Variants in THSD4 observed in about 807,000 individuals in gnomAD.
The protein encoded by THSD4 is thrombospondin type-1 domain-containing protein 4.
Under a neutral mutation model 119.0 loss-of-function variants are expected in THSD4, and 69 were observed. That is an observed-to-expected ratio of 0.58 (90% CI 0.48 to 0.71). THSD4 has a LOEUF of 0.71. THSD4 is among the 30% of genes least tolerant of loss of function. The pLI, the probability that THSD4 is intolerant of heterozygous loss-of-function variation, is 0.00. For synonymous variants in THSD4, 524 were observed against 540.4 expected, an observed-to-expected ratio of 0.97 and a Z score of 0.42; for missense variants, 1,393 against 1,391.1, an observed-to-expected ratio of 1.00 and a Z score of -0.02.
chr15:71,274,740 G>A (rs915991834), intron 6 of THSD4, among the ~76,000 whole-genome samples: 3 of 152,148 alleles, frequency 2.0e-5, no homozygotes, highest in Non-Finnish European at 4.4e-5. Context: ...TAGGATATGA[G>A]AAAGGAAAGA....
intron 6 of THSD4, among the ~76,000 whole-genome samples, chr15:71,387,887 C>T (rs2140462723): frequency 1.3e-5 from 2 of 152,290 alleles, no homozygotes; most frequent in Middle Eastern, 3.4e-3. Flanking sequence ...GTTACCCTCC[C>T]TTGGCCAGGG....
At chr15:71,261,571 C>T (rs2044400354) in intron 6 of THSD4, among the ~76,000 whole-genome samples, 1 of 152,160 alleles carries the variant, frequency 6.6e-6, no homozygotes. Context: ...CTGTTCCCAT[C>T]CCTGGAACCT....
At chr15:71,279,016 A>G (rs1254597977) in intron 6 of THSD4, among the ~76,000 whole-genome samples, 1 of 152,204 alleles carries the variant, frequency 6.6e-6, no homozygotes, top group African/African-American at 2.4e-5. Flanking sequence ...GGAGCAGCCT[A>G]TTAAAAATAG....
At chr15:71,606,317 A>G (rs550993391) in intron 7 of THSD4, among the ~76,000 whole-genome samples, 81 of 152,330 alleles carry the variant, frequency 5.3e-4, no homozygotes, top group Non-Finnish European at 1.0e-3. Flanking sequence ...GAGAGACCAC[A>G]TAAGTTGTAT....
At chr15:71,328,732 G>A (rs1162731594) in intron 6 of THSD4, among the ~76,000 whole-genome samples, 1 of 152,136 alleles carries the variant, frequency 6.6e-6, no homozygotes, top group Admixed American at 6.5e-5. Context: ...AGAGATCAGG[G>A]TTCAACCAGC....
At chr15:71,523,096 A>G (rs2048466394) in intron 7 of THSD4, among the ~76,000 whole-genome samples, 1 of 152,222 alleles carries the variant, frequency 6.6e-6, no homozygotes, top group Admixed American at 6.5e-5. Flanking sequence ...AGAGATGAGT[A>G]AAAAGATGTG....
At chr15:71,494,507 A>G (rs894254426) in intron 7 of THSD4, among the ~76,000 whole-genome samples, 5 of 152,182 alleles carry the variant, frequency 3.3e-5, no homozygotes, top group Non-Finnish European at 1.5e-5. Context: ...TCTGTATTAT[A>G]TACAATGTTT....
rs2046797595 is a variant in THSD4 at position 71,420,854 on chromosome 15, T to C, written c.1152+9031T>C. Among the ~76,000 whole-genome samples the C allele has an allele frequency of 2.8e-5, 3 of 106,412 alleles. 1 individual carries two copies. Among genetic ancestry groups the C allele is most frequent in the Non-Finnish European group, 6.1e-5 (3 of 48,924 alleles). 69.8% of individuals were successfully genotyped at this position (106,412 alleles called of 152,430 possible). ...GTGTCTTGAACAGTTGTTGTAGTTA[T>C]TATTTTTGATAGGTTCATCTTTTAG... On this transcript the variant is annotated intron_variant, in intron 7 of 17. Coordinates refer to ENST00000261862, the MANE Select transcript of THSD4 (RefSeq NM_024817.3).
At chr15:71,210,140 C>G (rs926342282) in intron 3 of THSD4, among the ~76,000 whole-genome samples, 2 of 152,202 alleles carry the variant, frequency 1.3e-5, no homozygotes, top group African/African-American at 4.8e-5. Context: ...ATCTTAGCTA[C>G]CCCTAAGGTC....
chr15:71,680,433 G>A (rs1047710370), intron 8 of THSD4, among the ~76,000 whole-genome samples: 4 of 152,200 alleles, frequency 2.6e-5, no homozygotes, highest in African/African-American at 9.7e-5. Flanking sequence ...ATTGCTGCGA[G>A]AAGACCAATA....
intron 9 of THSD4, 95 bp downstream of exon 9, chr15:71,728,819 AT>A: frequency 6.7e-7 from 1 of 1,502,426 alleles, no homozygotes; most frequent in African/African-American, 1.4e-5. Flanking sequence ...ATCATTGCCC[AT>A]ACTCAATAAA....
At chr15:71,455,096 C>A (rs1265473668) in intron 7 of THSD4, among the ~76,000 whole-genome samples, 2 of 152,156 alleles carry the variant, frequency 1.3e-5, no homozygotes, top group African/African-American at 4.8e-5. Context: ...AAAATTCCTG[C>A]CTGGTTTCTC....
chr15:71,126,515 T>G (rs1282097048), intron 1 of THSD4, among the ~76,000 whole-genome samples: 1 of 152,194 alleles, frequency 6.6e-6, no homozygotes, highest in Non-Finnish European at 1.5e-5. Flanking sequence ...ATCTAGCACC[T>G]CATACCATAA....
chr15:71,457,380 A>C (rs2047354973), intron 7 of THSD4, among the ~76,000 whole-genome samples: 1 of 1,994 alleles, frequency 5.0e-4, no homozygotes, highest in African/African-American at 1.1e-3. Context: ...ATCTCGCCTC[A>C]AAAAAAAAAA....
In THSD4 at chr15:71,738,072, C is replaced by T. The variant is rs772002053; in HGVS notation, c.1906+65C>T. On this transcript the variant is annotated intron_variant, in intron 11 of 17. Coordinates refer to ENST00000261862, the MANE Select transcript of THSD4 (RefSeq NM_024817.3). ...CTAAGCAAGGAGTGTGTGGGTGGCC[C>T]AAGGCAGCGGTCCCCGGCTTTTTTG... 5 of 1,582,172 alleles carry T rather than the reference C, an allele frequency of 3.2e-6. No individual in the cohort carries two copies. In the African/African-American group the frequency reaches 4.0e-5, roughly 13 times the overall value.
intron 7 of THSD4, among the ~76,000 whole-genome samples, chr15:71,484,649 C>G (rs943963111): frequency 9.2e-5 from 14 of 152,250 alleles, no homozygotes; most frequent in Admixed American, 3.9e-4. Context: ...GGGCTGAACT[C>G]TGAAAAGTCA....
chr15:71,609,997 G>A (rs1351712412), intron 7 of THSD4, among the ~76,000 whole-genome samples: 1 of 152,176 alleles, frequency 6.6e-6, no homozygotes, highest in Non-Finnish European at 1.5e-5. Flanking sequence ...TTAAATACAG[G>A]CGGCCTGGCA....
At chr15:71,597,258 T>C (rs968649286) in intron 7 of THSD4, among the ~76,000 whole-genome samples, 1 of 152,220 alleles carries the variant, frequency 6.6e-6, no homozygotes, top group Non-Finnish European at 1.5e-5. Flanking sequence ...TAGGCAAGAA[T>C]ATGTGTAAGA....
chr15:71,597,385 A>C (rs574250283), intron 7 of THSD4, among the ~76,000 whole-genome samples: 50 of 152,228 alleles, frequency 3.3e-4, no homozygotes, highest in South Asian at 1.5e-3. Flanking sequence ...ACACACACAC[A>C]CCCACAGATA....
Sources: gnomAD v4.1 joint callset for allele counts (sites outside exome capture counted in the v4.1 genomes callset) on GRCh38, gnomAD v4.1.1 for gene constraint, MANE v1.5 for transcripts, NCBI Gene and HGNC (gene_info 2026-07-23, HGNC 2026-07-21) for gene names.